AGMO: variants seen among roughly 807,000 people sequenced by gnomAD.
AGMO encodes the protein glyceryl-ether monooxygenase.
AGMO carries 75 observed loss-of-function variants against 60.2 expected under a neutral mutation model. The ratio of observed to expected loss-of-function variants is 1.25; its 90% CI spans 1.03 to 1.51. AGMO has a LOEUF of 1.51. Ranked by LOEUF, AGMO falls within the 40% of genes most tolerant of loss-of-function variation. The pLI, the probability that AGMO is intolerant of heterozygous loss-of-function variation, is 0.00. For synonymous variants in AGMO, 261 were observed against 177.1 expected (o/e 1.47, Z -3.76); for missense variants, 763 against 525.5 (o/e 1.45, Z -4.42).
At chr7:15,254,863 A>C (rs1240617843) in intron 12 of AGMO, among the ~76,000 whole-genome samples, 1 of 152,140 alleles carries the variant, frequency 6.6e-6, no homozygotes. Flanking sequence ...ACAAATTAGA[A>C]AACATAGAAG....
At chr7:15,236,146 A>G (rs531825715) in intron 12 of AGMO, among the ~76,000 whole-genome samples, 1 of 152,296 alleles carries the variant, frequency 6.6e-6, no homozygotes, top group Admixed American at 6.5e-5. Flanking sequence ...TTGTTCATGT[A>G]TAAAGATTTA....
At chr7:15,381,365 G>A (rs6960975) in intron 10 of AGMO, among the ~76,000 whole-genome samples, 63,197 of 151,548 alleles carry the variant, frequency 0.42, 15,648 homozygotes, top group African/African-American at 0.69. Flanking sequence ...AAAAGTGGGC[G>A]AAGAACACGA....
intron 12 of AGMO, among the ~76,000 whole-genome samples, chr7:15,311,972 A>G (rs1247485742): frequency 6.6e-6 from 1 of 152,178 alleles, no homozygotes; most frequent in African/African-American, 2.4e-5. Context: ...AGATTGTAAA[A>G]CCAAATTAGA....
At chr7:15,338,696 T>G (rs1016558626) in intron 12 of AGMO, among the ~76,000 whole-genome samples, 5 of 152,262 alleles carry the variant, frequency 3.3e-5, no homozygotes, top group Admixed American at 2.6e-4. Flanking sequence ...ATACAGCTAG[T>G]TGAATTTACT....
intron 3 of AGMO, among the ~76,000 whole-genome samples, chr7:15,515,999 A>G (rs894745975): frequency 1.3e-5 from 2 of 152,188 alleles, no homozygotes; most frequent in Admixed American, 1.3e-4. Context: ...AACAAAAATA[A>G]TAAGTATGTG....
intron 3 of AGMO, among the ~76,000 whole-genome samples, chr7:15,460,914 T>C (rs1782125950): frequency 6.6e-6 from 1 of 152,190 alleles, no homozygotes; most frequent in African/African-American, 2.4e-5. Flanking sequence ...TTATGATAGT[T>C]ATATGATTCC....
At chr7:15,307,206 T>C (rs1024277247) in intron 12 of AGMO, among the ~76,000 whole-genome samples, 2 of 152,042 alleles carry the variant, frequency 1.3e-5, no homozygotes, top group South Asian at 2.1e-4. Context: ...ACATAATTTA[T>C]ATTCCCTTAT....
At chr7:15,405,534 T>C (rs574370843) in intron 5 of AGMO, among the ~76,000 whole-genome samples, 97 of 152,096 alleles carry the variant, frequency 6.4e-4, no homozygotes, top group Non-Finnish European at 1.2e-3. Context: ...TTCTGATGCA[T>C]GCAGGTGACC....
At chr7:15,520,510 A>C (rs1783950477) in intron 3 of AGMO, among the ~76,000 whole-genome samples, 2 of 152,222 alleles carry the variant, frequency 1.3e-5, no homozygotes, top group African/African-American at 4.8e-5. Context: ...CTCAGACCAT[A>C]GCGCAATCAA....
chr7:15,437,024 G>A (rs539073305), intron 3 of AGMO, among the ~76,000 whole-genome samples: 4 of 152,058 alleles, frequency 2.6e-5, no homozygotes, highest in African/African-American at 9.6e-5. Context: ...ATTTTGTTTT[G>A]TCTTTTCTTA....
At chr7:15,375,688 G>GC (rs1201038520) in intron 10 of AGMO, among the ~76,000 whole-genome samples, 9 of 152,080 alleles carry the variant, frequency 5.9e-5, no homozygotes. Flanking sequence ...AAGCCACTGT[G>GC]CCCAGCCTCT....
At chr7:15,146,835 G>A in the AGMO span, among the ~76,000 whole-genome samples, 1 of 152,120 alleles carries the variant, frequency 6.6e-6, no homozygotes, top group Non-Finnish European at 1.5e-5. Context: ...CTCAAAATCA[G>A]TGAAATATTG....
chr7:15,211,334 G>A (rs181934982), intron 12 of AGMO, among the ~76,000 whole-genome samples: 209 of 152,048 alleles, frequency 1.4e-3, no homozygotes, highest in African/African-American at 4.8e-3. Flanking sequence ...GACATAAATT[G>A]TAAGTAGATT....
the AGMO span, among the ~76,000 whole-genome samples, chr7:15,157,504 C>T: frequency 6.6e-6 from 1 of 152,178 alleles, no homozygotes; most frequent in Non-Finnish European, 1.5e-5. Flanking sequence ...ATTTCTTACT[C>T]AGCGTCCCAC....
chr7:15,182,588 TG>T, the AGMO span, among the ~76,000 whole-genome samples: 1 of 152,062 alleles, frequency 6.6e-6, no homozygotes, highest in East Asian at 1.9e-4. Flanking sequence ...GCTAATTTTT[TG>T]TATTTCTGGT....
At chr7:15,489,064 C>A (rs1562532654) in intron 3 of AGMO, among the ~76,000 whole-genome samples, 1 of 152,102 alleles carries the variant, frequency 6.6e-6, no homozygotes, top group Non-Finnish European at 1.5e-5. Context: ...TATACTATAT[C>A]TTCAAACTAG....
intron 3 of AGMO, among the ~76,000 whole-genome samples, chr7:15,518,192 C>T (rs147338094): frequency 2.3e-3 from 350 of 152,276 alleles, no homozygotes; most frequent in Non-Finnish European, 3.5e-3. Context: ...AGATAAAACT[C>T]CCATTTCCCT....
rs71004386 is a variant in AGMO at position 15,493,362 on chromosome 7, C to CACACACTT, written c.409+51409_409+51410insAAGTGTGT. ...ACACACACACACACACACACACACA[C>CACACACTT]TTCTTTTTTTTTTTTTTTTTTTTTT... On this transcript the variant is annotated intron_variant, in intron 3 of 12. Coordinates refer to ENST00000342526, the MANE Select transcript of AGMO (RefSeq NM_001004320.2). 6.8e-5 allele frequency among the ~76,000 whole-genome samples: 7 copies of CACACACTT among 102,260 alleles called. 2 individuals carry two copies. Among genetic ancestry groups the CACACACTT allele is most frequent in the East Asian group, 6.1e-4 (2 of 3,294 alleles). 67.1% of individuals were successfully genotyped at this position (102,260 alleles called of 152,430 possible). A position where few individuals can be genotyped will look rare whatever the true frequency, so the allele number is the denominator to read the frequency against.
At chr7:15,479,900 G>C (rs745392630) in intron 3 of AGMO, among the ~76,000 whole-genome samples, 2 of 152,158 alleles carry the variant, frequency 1.3e-5, no homozygotes, top group Non-Finnish European at 2.9e-5. Context: ...CGATTAGGAA[G>C]GATGTGCCCG....
Sources: allele counts gnomAD v4.1 joint callset (sites outside exome capture counted in the v4.1 genomes callset), GRCh38; gene constraint gnomAD v4.1.1; transcripts MANE v1.5; gene names NCBI Gene and HGNC (gene_info 2026-07-23, HGNC 2026-07-21).